TM7SF3: variants seen among roughly 807,000 people sequenced by gnomAD.
TM7SF3 encodes seven span transmembrane protein.
TM7SF3 carries 60 observed loss-of-function variants against 65.5 expected under a neutral mutation model. That is an observed-to-expected ratio of 0.92 (90% CI 0.74 to 1.14). TM7SF3 has a LOEUF of 1.14. Ranked by LOEUF, TM7SF3 falls within the 50% of genes most tolerant of loss-of-function variation. The pLI is 0.00. For missense variants in TM7SF3, 623 were observed against 684.8 expected, an observed-to-expected ratio of 0.91 and a Z score of 1.01; for synonymous variants, 264 against 259.6, an observed-to-expected ratio of 1.02 and a Z score of -0.16.
At chr12:27,007,337 T>C (rs1941077191) in intron 1 of TM7SF3, among the ~76,000 whole-genome samples, 1 of 152,218 alleles carries the variant, frequency 6.6e-6, no homozygotes, top group Admixed American at 6.5e-5. Flanking sequence ...ATGTAAAACC[T>C]GGTCACTTGA....
chr12:27,012,717 C>CT (rs765488961), intron 1 of TM7SF3: 60 of 455,830 alleles, frequency 1.3e-4, no homozygotes, highest in Non-Finnish European at 2.1e-4. Flanking sequence ...TACCTGAAAT[C>CT]GGCCGGGCGC....
chr12:26,982,005 C>T (rs372905951), intron 7 of TM7SF3, among the ~76,000 whole-genome samples: 1 of 152,072 alleles, frequency 6.6e-6, no homozygotes, highest in African/African-American at 2.4e-5. Context: ...TCACCAATAT[C>T]CACACATATT....
rs555727637 is a variant in TM7SF3, at chr12:27,006,020, G to A, written c.92-2630C>T. On this transcript the variant is annotated intron_variant, in intron 1 of 11. Coordinates refer to ENST00000343028, the MANE Select transcript of TM7SF3 (RefSeq NM_016551.3). ...TCACTATGTTGGCCAGGCTAGTCTC[G>A]AACTCCTGACCTCAAGCGATCCGCC... is the stretch of plus-strand genomic sequence containing the variant. Among the ~76,000 whole-genome samples, 8 of 149,760 alleles carry A rather than the reference G, an allele frequency of 5.3e-5. No homozygotes were observed. In the South Asian group the frequency reaches 1.1e-3, roughly 20 times the overall value.
chr12:26,975,985 T>C (rs1300884329), intron 10 of TM7SF3, among the ~76,000 whole-genome samples: 1 of 152,228 alleles, frequency 6.6e-6, no homozygotes, highest in Non-Finnish European at 1.5e-5. Context: ...CAGGTTGGTG[T>C]ACTAGAGTAA....
chr12:26,999,545 T>A lies in TM7SF3; in HGVS notation c.378A>T (p.Leu126=), dbSNP rs1940744492. Residue 126 remains leucine (L), a synonymous_variant, in exon 3 of 12, where the codon CTA becomes CTT. Transcript: ENST00000343028. ...GGTTACCTCTTTCTGAGTAGGAGAG[T>A]AGGATAGCCATATTCTGGACAGGCT... The part of the protein sequence containing the change: ...GIQPVQNMAI[L]LSYSERDPVP... The A allele has an allele frequency of 1.9e-6, 3 of 1,613,482 alleles. No homozygotes were observed. Among genetic ancestry groups the A allele is most frequent in the Non-Finnish European group, 1.7e-6 (2 of 1,179,876 alleles).
chr12:27,013,984 T>C, intron 1 of TM7SF3, 94 bp downstream of exon 1: 1 of 1,076,244 alleles, frequency 9.3e-7, no homozygotes, highest in Non-Finnish European at 1.4e-6. Context: ...CAGCACCATC[T>C]CCCTGCTAGG....
chr12:27,014,271 T>G lies in TM7SF3; in HGVS notation c.-103A>C, dbSNP rs1941360158. The G allele has an allele frequency of 2.0e-6, 2 of 1,018,010 alleles. No individual in the cohort carries two copies. The allele number at this position is 1,018,010 out of a possible 1,614,324, so 63.1% of individuals were successfully genotyped here. ...CCCACGCTATCCCGGGGCGCCCGCATCGGGCGCCATCGCCCGCCAGGTGCA... is the reference window on the plus strand; with the variant it reads ...CCCACGCTATCCCGGGGCGCCCGCAGCGGGCGCCATCGCCCGCCAGGTGCA... On this transcript the variant is annotated 5_prime_UTR_variant, in exon 1 of 12. An upstream start codon of the reference 5' UTR is lost. Transcript: ENST00000343028.
Position 27,012,965 on chromosome 12 carries a change from T to C in TM7SF3, c.91+1113A>G, listed in dbSNP as rs111547211. 1,557 of 217,290 alleles carry C rather than the reference T, an allele frequency of 7.2e-3. 26 individuals carry two copies. The highest frequency in any genetic ancestry group is 0.04 in the African/African-American group (1,440 of 35,820). 13.5% of individuals were successfully genotyped at this position (217,290 alleles called of 1,614,324 possible). A position where few individuals can be genotyped will look rare whatever the true frequency, so the allele number is the denominator to read the frequency against. ...GTCAGCCAAGATCATGCCACTGCACTCCAGCCTAGGCGACAGAGCGAGACT... is the reference window on the plus strand; with the variant it reads ...GTCAGCCAAGATCATGCCACTGCACCCCAGCCTAGGCGACAGAGCGAGACT... On this transcript the variant is annotated intron_variant, in intron 1 of 11. Transcript: ENST00000343028.
Position 26,999,589 on chromosome 12 carries a change from AG to A in TM7SF3, c.333del (p.Leu112TrpfsTer34). 6.2e-7 allele frequency: 1 copy of A among 1,614,168 alleles called. No individual in the cohort carries two copies. Among genetic ancestry groups the A allele is most frequent in the African/African-American group, 1.3e-5 (1 of 75,046 alleles). ...LRPEQSTCTWYLGTSGIQPVQ... is the reference protein window; with the variant it reads ...LRPEQSTCTWXLGTSGIQPVQ... ...ACAGGCTGTATGCCTGAAGTCCCCAAGTACCAAGTGCATGTACTCTGCTCTG... is the reference window on the plus strand; with the variant it reads ...ACAGGCTGTATGCCTGAAGTCCCCAATACCAAGTGCATGTACTCTGCTCTG... On this transcript the variant is annotated frameshift_variant, in exon 3 of 12. Coordinates refer to ENST00000343028, the MANE Select transcript of TM7SF3 (RefSeq NM_016551.3). LOFTEE classifies it high-confidence loss of function.
At chr12:26,999,105 T>C (rs1940719995) in intron 3 of TM7SF3, among the ~76,000 whole-genome samples, 2 of 152,076 alleles carry the variant, frequency 1.3e-5, no homozygotes, top group South Asian at 4.1e-4. Flanking sequence ...ATAAAATATT[T>C]CTGATTATAG....
chr12:26,974,281 A>G (rs1939479964), intron 11 of TM7SF3, 54 bp from the exon 12 acceptor site: 10 of 1,548,082 alleles, frequency 6.5e-6, no homozygotes, highest in Non-Finnish European at 8.8e-6. Flanking sequence ...AAAATCTAAC[A>G]TAATAATACA....
chr12:26,974,083 A>G lies in TM7SF3; in HGVS notation c.1595T>C (p.Leu532Pro), dbSNP rs1939467776. The change falls in exon 12 of 12, where the codon CTG becomes CCG. Residue 532 changes from leucine (L) to proline (P), a missense_variant. By Grantham distance (98) the Leu-to-Pro change is moderately conservative. Coordinates refer to ENST00000343028, the MANE Select transcript of TM7SF3 (RefSeq NM_016551.3). ...QERERRVTNILDPSYHIPPLR... is the reference protein window; with the variant it reads ...QERERRVTNIPDPSYHIPPLR... ...TGGAGGAATGTGGTAGCTAGGGTCC[A>G]GAATGTTTGTCACTCGGCGCTCTCT... 2 of 1,614,204 alleles carry G rather than the reference A, an allele frequency of 1.2e-6. No homozygotes were observed.
rs1939385295 is a variant in TM7SF3, at chr12:26,972,113, G to A, written c.*1852C>T. 1 of 152,190 alleles carries A rather than the reference G, an allele frequency of 6.6e-6. No homozygotes were observed. The highest frequency in any genetic ancestry group is 1.5e-5 in the Non-Finnish European group (1 of 68,046). 9.4% of individuals were successfully genotyped at this position (152,190 alleles called of 1,614,324 possible). ...CCAGCTCACAATAATTCAGTGCTCT[G>A]AAAGCTGGGGGGAAAGCCCCTGAGT... is the stretch of plus-strand genomic sequence containing the variant. On this transcript the variant is annotated 3_prime_UTR_variant, in exon 12 of 12. Transcript: ENST00000343028.
chr12:26,997,823 C>CTTTTTT (rs3071165), intron 3 of TM7SF3, among the ~76,000 whole-genome samples: 5 of 114,048 alleles, frequency 4.4e-5, no homozygotes, highest in East Asian at 6.1e-4. Flanking sequence ...TTACCACTTC[C>CTTTTTT]TTTTTTTTTT....
rs1039445390 is a variant in TM7SF3 at position 26,972,628 on chromosome 12, C to T, written c.*1337G>A. 22 of 151,944 alleles carry T rather than the reference C, an allele frequency of 1.4e-4. No individual in the cohort carries two copies. The highest frequency in any genetic ancestry group is 5.9e-5 in the Non-Finnish European group (4 of 68,014). 9.4% of individuals were successfully genotyped at this position (151,944 alleles called of 1,614,324 possible). On this transcript the variant is annotated 3_prime_UTR_variant, in exon 12 of 12. Transcript: ENST00000343028. The stretch of plus-strand genomic sequence containing the variant: ...ACAGGGTGTAGTAGTATATATTCTA[C>T]TATACTATAGTAGAGACCACTATGT...
intron 1 of TM7SF3, among the ~76,000 whole-genome samples, chr12:27,005,555 C>T (rs12815671): frequency 0.12 from 18,352 of 152,130 alleles, 1,348 homozygotes; most frequent in East Asian, 0.33. Flanking sequence ...CCTTTAAAAG[C>T]CCTGGAAGAG....
intron 9 of TM7SF3, chr12:26,979,130 C>A (rs1303746454): frequency 6.6e-6 from 1 of 152,254 alleles, no homozygotes; most frequent in African/African-American, 2.4e-5. Flanking sequence ...ACAGTCCCAT[C>A]AACTTTATTC....
intron 1 of TM7SF3, 122 bp downstream of exon 1, chr12:27,013,956 A>G (rs1304200881): frequency 2.5e-5 from 21 of 824,114 alleles, no homozygotes; most frequent in Non-Finnish European, 4.1e-5. Flanking sequence ...CTCACCACCC[A>G]GCGTGTACCA....
At chr12:26,997,248 C>G (rs1475930445) in intron 3 of TM7SF3, among the ~76,000 whole-genome samples, 1 of 152,226 alleles carries the variant, frequency 6.6e-6, no homozygotes, top group African/African-American at 2.4e-5. Context: ...CAAGCTGGAT[C>G]TGGCTCATGG....
Sources: gnomAD v4.1 joint callset for allele counts (sites outside exome capture counted in the v4.1 genomes callset) on GRCh38, gnomAD v4.1.1 for gene constraint, MANE v1.5 for transcripts, NCBI Gene and HGNC (gene_info 2026-07-23, HGNC 2026-07-21) for gene names.